Variants in RETREG1 observed in about 807,000 individuals in gnomAD.
RETREG1 encodes reticulophagy regulator 1, also known as family with sequence similarity 134 member B.
RETREG1 carries 44 observed loss-of-function variants against 54.8 expected under a neutral mutation model. The ratio of observed to expected loss-of-function variants is 0.80; its 90% CI spans 0.63 to 1.03. The LOEUF is 1.03. RETREG1 is among the 50% of genes least tolerant of loss of function. RETREG1 has a pLI of 0.00. For synonymous variants in RETREG1, 217 were observed against 238.5 expected (o/e 0.91, Z 0.83); for missense variants, 554 against 605.1 (o/e 0.92, Z 0.89).
chr5:16,595,026 C>T (rs769461321), intron 1 of RETREG1, among the ~76,000 whole-genome samples: 16 of 152,146 alleles, frequency 1.1e-4, no homozygotes, highest in Non-Finnish European at 2.1e-4. Context: ...CATATAATAT[C>T]CTTCCTTCAG....
At chr5:16,609,777 C>T (rs1743289809) in intron 1 of RETREG1, among the ~76,000 whole-genome samples, 1 of 152,202 alleles carries the variant, frequency 6.6e-6, no homozygotes, top group African/African-American at 2.4e-5. Context: ...GAGGGGCCTA[C>T]ATCCTGGGCA....
At chr5:16,532,503 A>G (rs1740944890) in intron 3 of RETREG1, among the ~76,000 whole-genome samples, 1 of 152,196 alleles carries the variant, frequency 6.6e-6, no homozygotes, top group Admixed American at 6.5e-5. Context: ...TTGAGCTAAC[A>G]TTGTGTTAGC....
intron 3 of RETREG1, among the ~76,000 whole-genome samples, chr5:16,553,976 T>C (rs1311005127): frequency 1.3e-5 from 2 of 152,174 alleles, no homozygotes; most frequent in African/African-American, 4.8e-5. Flanking sequence ...AGGATAAGAT[T>C]TAAATCTTAT....
At chr5:16,560,206 C>A (rs1311424601) in intron 3 of RETREG1, among the ~76,000 whole-genome samples, 1 of 152,186 alleles carries the variant, frequency 6.6e-6, no homozygotes, top group East Asian at 1.9e-4. Context: ...AAAACCACAC[C>A]TGCATAAGTG....
chr5:16,601,956 C>T lies in RETREG1; in HGVS notation c.320+14696G>A, dbSNP rs1345576548. Among the ~76,000 whole-genome samples, 8 of 152,256 alleles carry T rather than the reference C, an allele frequency of 5.3e-5. No homozygotes were observed. The East Asian group carries it at 9.7e-4, about 18-fold the overall frequency. On this transcript the variant is annotated intron_variant, in intron 1 of 8. Transcript: ENST00000306320. ...GGAAGCGAGCAAGGAGACAAGGAGG[C>T]GATGCTTCCAATTTCTAAGGGCAAT...
intron 1 of RETREG1, among the ~76,000 whole-genome samples, chr5:16,605,552 C>A (rs1302544776): frequency 6.6e-6 from 1 of 152,158 alleles, no homozygotes; most frequent in East Asian, 1.9e-4. Context: ...GGACTTGTAG[C>A]TTCTGACATT....
chr5:16,553,175 C>G (rs1991469), intron 3 of RETREG1, among the ~76,000 whole-genome samples: 114,090 of 150,778 alleles, frequency 0.76, 43,549 homozygotes, highest in Middle Eastern at 0.84. Flanking sequence ...AGAAACAGTG[C>G]ACACTATGGA....
chr5:16,499,071 AT>A (rs70938055), intron 3 of RETREG1, among the ~76,000 whole-genome samples: 77 of 145,890 alleles, frequency 5.3e-4, no homozygotes, highest in East Asian at 6.1e-4. Context: ...TTAATTTTTG[AT>A]TTTTTTTTTT....
intron 3 of RETREG1, chr5:16,509,038 C>CTTTTTTT: frequency 1.1e-6 from 1 of 921,106 alleles, no homozygotes; most frequent in Non-Finnish European, 1.3e-6. Context: ...CTTCCCCCGG[C>CTTTTTTT]TTTTTTTTTT....
At chr5:16,501,482 G>A (rs1031228539) in intron 3 of RETREG1, among the ~76,000 whole-genome samples, 2 of 152,208 alleles carry the variant, frequency 1.3e-5, no homozygotes, top group Admixed American at 1.3e-4. Flanking sequence ...AAGCGACTAC[G>A]CATCATTCTG....
Position 16,473,242 on chromosome 5 carries a change from T to C in RETREG1, c.*1499A>G, listed in dbSNP as rs1383431458. 2 of 152,652 alleles carry C rather than the reference T, an allele frequency of 1.3e-5. No individual in the cohort carries two copies. The highest frequency in any genetic ancestry group is 1.9e-4 in the East Asian group (1 of 5,182). 9.5% of individuals were successfully genotyped at this position (152,652 alleles called of 1,614,324 possible). A position where few individuals can be genotyped will look rare whatever the true frequency, so the allele number is the denominator to read the frequency against. ...CAATAAAGGACATCAAACACAGTCA[T>C]GAGGCACTAATGACATAAGCAATCA... On this transcript the variant is annotated 3_prime_UTR_variant, in exon 9 of 9. Coordinates refer to ENST00000306320, the MANE Select transcript of RETREG1 (RefSeq NM_001034850.3).
rs1045944243 is a variant in RETREG1, at chr5:16,541,696, A to G, written c.458+24067T>C. 1.6e-4 allele frequency among the ~76,000 whole-genome samples: 24 copies of G among 150,930 alleles called. 1 individual carries two copies. Among genetic ancestry groups the G allele is most frequent in the Admixed American group, 1.5e-3 (23 of 15,130 alleles). On this transcript the variant is annotated intron_variant, in intron 3 of 8. Coordinates refer to ENST00000306320, the MANE Select transcript of RETREG1 (RefSeq NM_001034850.3). ...AGTGAGACTCCATCAGAAAGTAAGAAGAAAAGAAAAGAGAAGAAAAGAGAA... is the reference window on the plus strand; with the variant it reads ...AGTGAGACTCCATCAGAAAGTAAGAGGAAAAGAAAAGAGAAGAAAAGAGAA...
At position 16,474,683 on chromosome 5, in the gene RETREG1, T is replaced by TTTTC; in HGVS notation, c.*57_*58insGAAA. 1.3e-6 allele frequency: 2 copies of TTTTC among 1,563,334 alleles called. No homozygotes were observed. The highest frequency in any genetic ancestry group is 1.7e-6 in the Non-Finnish European group (2 of 1,163,606). On this transcript the variant is annotated 3_prime_UTR_variant, in exon 9 of 9. Coordinates refer to ENST00000306320, the MANE Select transcript of RETREG1 (RefSeq NM_001034850.3). The stretch of plus-strand genomic sequence containing the variant: ...TTTTTCTTTTCCTTTTTTTTTTTTT[T>TTTTC]TTCTTGTTTGAAATTTTTTTGGTGT...
At chr5:16,583,303 T>C (rs1017670912) in intron 1 of RETREG1, among the ~76,000 whole-genome samples, 1 of 150,136 alleles carries the variant, frequency 6.7e-6, no homozygotes, top group Non-Finnish European at 1.5e-5. Flanking sequence ...TGGGCAACAA[T>C]GGTAACACCC....
intron 3 of RETREG1, 52 bp downstream of exon 3, chr5:16,565,711 C>T (rs1741986264): frequency 2.0e-6 from 3 of 1,535,140 alleles, no homozygotes; most frequent in Admixed American, 1.7e-5. Context: ...TGGCTCAGTC[C>T]CCTCCCTCAC....
At chr5:16,534,607 C>T (rs1741002602) in intron 3 of RETREG1, among the ~76,000 whole-genome samples, 1 of 152,146 alleles carries the variant, frequency 6.6e-6, no homozygotes, top group Non-Finnish European at 1.5e-5. Flanking sequence ...AAGGGGTAGC[C>T]CAGATATTTC....
chr5:16,505,491 G>A (rs781604463), intron 3 of RETREG1, among the ~76,000 whole-genome samples: 3 of 152,166 alleles, frequency 2.0e-5, no homozygotes, highest in South Asian at 2.1e-4. Context: ...TCCTGGCACC[G>A]CAGCTGGCTG....
intron 1 of RETREG1, among the ~76,000 whole-genome samples, chr5:16,587,532 T>C (rs763041772): frequency 2.6e-5 from 4 of 152,206 alleles, no homozygotes; most frequent in Non-Finnish European, 5.9e-5. Flanking sequence ...TGAAAAGTAA[T>C]TGTCATGTGG....
At chr5:16,499,630 T>G (rs972568092) in intron 3 of RETREG1, among the ~76,000 whole-genome samples, 4 of 152,236 alleles carry the variant, frequency 2.6e-5, no homozygotes, top group African/African-American at 9.6e-5. Flanking sequence ...CCTCCTGTTT[T>G]GTTTATATGG....
Sources: allele counts gnomAD v4.1 joint callset (sites outside exome capture counted in the v4.1 genomes callset), GRCh38; gene constraint gnomAD v4.1.1; transcripts MANE v1.5; gene names NCBI Gene and HGNC (gene_info 2026-07-23, HGNC 2026-07-21).